TRPM3: variants seen among roughly 807,000 people sequenced by gnomAD.
TRPM3 encodes transient receptor potential cation channel subfamily M member 3.
A neutral mutation model predicts 181.2 loss-of-function variants in TRPM3; 77 were observed. The ratio of observed to expected loss-of-function variants is 0.42; its 90% CI spans 0.35 to 0.51. TRPM3 has a LOEUF of 0.51. Among genes scored for constraint, TRPM3 ranks in the 20% least tolerant of loss-of-function variants. The pLI is 0.01. For missense variants in TRPM3, 1,759 were observed against 2,196.7 expected, an observed-to-expected ratio of 0.80 and a Z score of 3.98; for synonymous variants, 745 against 796.4, an observed-to-expected ratio of 0.94 and a Z score of 1.09.
At chr9:70,925,022 G>A (rs555729394) in intron 1 of TRPM3, among the ~76,000 whole-genome samples, 3 of 152,232 alleles carry the variant, frequency 2.0e-5, no homozygotes, top group South Asian at 2.1e-4. Context: ...ATTTCATAAC[G>A]TGAATTGCAT....
chr9:70,593,495 G>A (rs2058479153), intron 21 of TRPM3, among the ~76,000 whole-genome samples: 1 of 152,176 alleles, frequency 6.6e-6, no homozygotes, highest in African/African-American at 2.4e-5. Flanking sequence ...AAGCTAGTTT[G>A]ACCCAAGGAA....
In TRPM3 at chr9:71,421,001, G is replaced by GAGAGAAAAAGAGAGAAAA. The variant is rs1349075366; in HGVS notation, c.183+25634_183+25651dup. Among the ~76,000 whole-genome samples, 44 of 123,102 alleles carry GAGAGAAAAAGAGAGAAAA rather than the reference G, an allele frequency of 3.6e-4. 2 individuals are homozygous for GAGAGAAAAAGAGAGAAAA. Among genetic ancestry groups the GAGAGAAAAAGAGAGAAAA allele is most frequent in the Admixed American group, 2.3e-3 (29 of 12,408 alleles). The allele number at this position is 123,102 out of a possible 152,430, so 80.8% of individuals were successfully genotyped here. The stretch of plus-strand genomic sequence containing the variant: ...AGAGAGAGAAAAAGAGAGAGAAAAA[G>GAGAGAAAAAGAGAGAAAA]AGAGAAAAAGAGAGAAAAAGAGAGA... On this transcript the variant is annotated intron_variant, in intron 1 of 24. Coordinates refer to the TRPM3 transcript ENST00000357533.
chr9:70,941,913 G>GA (rs930206216), intron 1 of TRPM3, among the ~76,000 whole-genome samples: 28 of 150,876 alleles, frequency 1.9e-4, no homozygotes, highest in African/African-American at 5.6e-4. Flanking sequence ...TCTATTTCTT[G>GA]AAAAAAAAAT....
chr9:70,655,555 C>T (rs942870185), intron 9 of TRPM3, among the ~76,000 whole-genome samples: 7 of 151,960 alleles, frequency 4.6e-5, no homozygotes, highest in Non-Finnish European at 1.0e-4. Context: ...TATCTCATGG[C>T]TAAGTTCTAA....
intron 1 of TRPM3, among the ~76,000 whole-genome samples, chr9:71,374,360 A>G (rs2092609740): frequency 6.6e-6 from 1 of 152,158 alleles, no homozygotes; most frequent in South Asian, 2.1e-4. Context: ...GGCAACAGAG[A>G]GACTCCGTGT....
At chr9:71,183,089 T>G (rs2077492023) in intron 1 of TRPM3, among the ~76,000 whole-genome samples, 1 of 152,144 alleles carries the variant, frequency 6.6e-6, no homozygotes, top group South Asian at 2.1e-4. Context: ...CCAGACAAGG[T>G]AGTAAATAGT....
intron 1 of TRPM3, among the ~76,000 whole-genome samples, chr9:70,896,197 G>A (rs551214777): frequency 6.6e-6 from 1 of 152,108 alleles, no homozygotes; most frequent in Non-Finnish European, 1.5e-5. Flanking sequence ...TTTGGTGCAG[G>A]CTGTTGTTAT....
intron 21 of TRPM3, among the ~76,000 whole-genome samples, chr9:70,591,599 T>C (rs2132535016): frequency 1.3e-5 from 2 of 152,296 alleles, no homozygotes; most frequent in Middle Eastern, 6.8e-3. Flanking sequence ...TTTGGGTCTC[T>C]TTCTTCTTAG....
At chr9:71,295,153 A>G (rs1028134607) in intron 1 of TRPM3, among the ~76,000 whole-genome samples, 1 of 152,188 alleles carries the variant, frequency 6.6e-6, no homozygotes, top group Non-Finnish European at 1.5e-5. Context: ...TGCAAAATGC[A>G]TAACTGTATG....
rs192761422 is a variant in TRPM3 at position 71,078,476 on chromosome 9, G to A, written c.177+42702C>T. 4.0e-3 allele frequency among the ~76,000 whole-genome samples: 614 copies of A among 152,228 alleles called. 4 individuals are homozygous for A. Among genetic ancestry groups the A allele is most frequent in the African/African-American group, 0.014 (583 of 41,564 alleles). On this transcript the variant is annotated intron_variant, in intron 1 of 25. Coordinates refer to ENST00000677713, the MANE Select transcript of TRPM3 (RefSeq NM_001366145.2). ...TGGAATTAATTATTGGTGATGAGAT[G>A]TTAACAATATTTTTCATGGAATGCT...
chr9:71,237,459 A>C (rs2081424060), intron 1 of TRPM3, among the ~76,000 whole-genome samples: 1 of 152,102 alleles, frequency 6.6e-6, no homozygotes, highest in African/African-American at 2.4e-5. Context: ...GGCTGAGGGG[A>C]AAAAAGGGTG....
At chr9:70,787,584 A>G (rs2083980576) in intron 6 of TRPM3, among the ~76,000 whole-genome samples, 1 of 152,076 alleles carries the variant, frequency 6.6e-6, no homozygotes, top group African/African-American at 2.4e-5. Flanking sequence ...TATTGTCTTT[A>G]TTTCTGGCAA....
chr9:70,930,573 T>C (rs1315890226), intron 1 of TRPM3, among the ~76,000 whole-genome samples: 1 of 152,158 alleles, frequency 6.6e-6, no homozygotes, highest in Non-Finnish European at 1.5e-5. Context: ...ATAAGTAAAA[T>C]GTTAAGGATA....
At chr9:70,841,057 A>C (rs1301441029) in intron 5 of TRPM3, among the ~76,000 whole-genome samples, 1 of 152,166 alleles carries the variant, frequency 6.6e-6, no homozygotes, top group East Asian at 1.9e-4. Flanking sequence ...TTATTAAATG[A>C]TTTTGGTGCA....
chr9:70,967,635 T>C (rs1224974163), intron 1 of TRPM3, among the ~76,000 whole-genome samples: 3 of 152,116 alleles, frequency 2.0e-5, no homozygotes, highest in Non-Finnish European at 4.4e-5. Flanking sequence ...TAATAGATGA[T>C]CTCTGAATAA....
At chr9:71,171,503 A>C (rs1377926345) in intron 1 of TRPM3, among the ~76,000 whole-genome samples, 1 of 152,154 alleles carries the variant, frequency 6.6e-6, no homozygotes, top group African/African-American at 2.4e-5. Flanking sequence ...GCCGACACTT[A>C]GGGAAAATAG....
chr9:71,207,766 C>T (rs2079213433), intron 1 of TRPM3, among the ~76,000 whole-genome samples: 1 of 152,136 alleles, frequency 6.6e-6, no homozygotes, highest in Non-Finnish European at 1.5e-5. Flanking sequence ...CTTTTTAATG[C>T]TTTTCAACAG....
At position 71,393,852 on chromosome 9, in the gene TRPM3, A is replaced by C. The variant is rs113576073; in HGVS notation, c.183+52801T>G. On this transcript the variant is annotated intron_variant, in intron 1 of 24. Transcript: ENST00000357533. ...CAAGTGACAGACATCTCAACGTCACAGTTAAATTCTTCTCCTGATTTTTCC... is the reference window on the plus strand; with the variant it reads ...CAAGTGACAGACATCTCAACGTCACCGTTAAATTCTTCTCCTGATTTTTCC... Among the ~76,000 whole-genome samples, 88 of 152,332 alleles carry C rather than the reference A, an allele frequency of 5.8e-4. 1 individual carries two copies. The highest frequency in any genetic ancestry group is 2.0e-3 in the African/African-American group (83 of 41,586).
chr9:70,690,816 G>GT (rs1425629729), intron 8 of TRPM3, among the ~76,000 whole-genome samples: 38 of 152,288 alleles, frequency 2.5e-4, no homozygotes, highest in Non-Finnish European at 5.0e-4. Flanking sequence ...ATTAGCTTCT[G>GT]TTTTCTCTTT....
Sources: allele counts gnomAD v4.1 joint callset (sites outside exome capture counted in the v4.1 genomes callset), GRCh38; gene constraint gnomAD v4.1.1; transcripts MANE v1.5; gene names NCBI Gene and HGNC (gene_info 2026-07-23, HGNC 2026-07-21).